PROM2: variants seen among roughly 807,000 people sequenced by gnomAD.
The protein encoded by PROM2 is prominin 2, also known as prominin-2.
PROM2 carries 90 observed loss-of-function variants against 110.2 expected under a neutral mutation model. The observed-to-expected ratio is 0.82, with a 90% confidence interval of 0.69 to 0.97. PROM2 has a LOEUF of 0.97. Among genes scored for constraint, PROM2 ranks in the 50% least tolerant of loss-of-function variants. The pLI, the probability that PROM2 is intolerant of heterozygous loss-of-function variation, is 0.00. For missense variants in PROM2, 1,009 were observed against 1,074.8 expected (o/e 0.94, Z 0.86); for synonymous variants, 470 against 467.8 (o/e 1.00, Z -0.06).
intron 1 of PROM2, 137 bp downstream of exon 1, chr2:95,274,966 TG>T: frequency 1.7e-6 from 2 of 1,181,854 alleles, no homozygotes; most frequent in Non-Finnish European, 2.3e-6. Context: ...GCGGAGGATC[TG>T]GGGAGGGCTC....
chr2:95,279,777 C>A, intron 10 of PROM2, 68 bp from the exon 11 acceptor site: 1 of 1,332,616 alleles, frequency 7.5e-7, no homozygotes, highest in Non-Finnish European at 9.8e-7. Flanking sequence ...GTCGCCACGT[C>A]CCGCACCTGT....
At chr2:95,281,094 C>T (rs1428342234) in intron 11 of PROM2, 148 bp from the exon 12 acceptor site, 6 of 1,041,462 alleles carry the variant, frequency 5.8e-6, no homozygotes, top group Non-Finnish European at 6.8e-6. Flanking sequence ...CTCCAGGAGG[C>T]CAAGTCCTCC....
intron 7 of PROM2, 39 bp from the exon 8 acceptor site, chr2:95,277,891 T>C (rs1676768195): frequency 1.3e-6 from 2 of 1,575,666 alleles, no homozygotes; most frequent in African/African-American, 1.4e-5. Context: ...TTCAGGCCTC[T>C]CCATGAACTT....
intron 14 of PROM2, among the ~76,000 whole-genome samples, chr2:95,283,770 G>GTTTC (rs898785069): frequency 3.9e-5 from 5 of 129,084 alleles, no homozygotes; most frequent in African/African-American, 1.5e-4. Flanking sequence ...TGAAAATACA[G>GTTTC]TTTCATTCAT....
At chr2:95,281,152 A>G in intron 11 of PROM2, 90 bp from the exon 12 acceptor site, 2 of 1,519,138 alleles carry the variant, frequency 1.3e-6, no homozygotes, top group Non-Finnish European at 1.8e-6. Context: ...CTGGCTGAGC[A>G]GGCTGGCCCT....
rs1330105524 is a variant in PROM2, at chr2:95,286,819, A to G, written c.2056A>G (p.Ser686Gly). 6.2e-7 allele frequency: 1 copy of G among 1,612,406 alleles called. No homozygotes were observed. Among genetic ancestry groups the G allele is most frequent in the Non-Finnish European group, 8.5e-7 (1 of 1,179,600 alleles). The change falls in exon 18 of 24, where the codon AGC becomes GGC. Residue 686 changes from serine (S) to glycine (G), a missense_variant. Transcript: ENST00000317620. ...TTCTCCACAGGCAAAGCTCAACCTC[A>G]GCGTCAGGGCCCTGGAGTCCTCTGC... ...QQSLVAKLNLSVRALESSAPN... is the reference protein window; with the variant it reads ...QQSLVAKLNLGVRALESSAPN...
chr2:95,282,422 A>C (rs1677106092), intron 14 of PROM2, among the ~76,000 whole-genome samples, 196 bp downstream of exon 14: 1 of 152,156 alleles, frequency 6.6e-6, no homozygotes, highest in African/African-American at 2.4e-5. Flanking sequence ...GTCCGTGTGC[A>C]CCTGAAGGCT....
At position 95,279,012 on chromosome 2, in the gene PROM2, C is replaced by T. The variant is rs189781710; in HGVS notation, c.1142C>T (p.Pro381Leu). Residue 381 changes from proline (P) to leucine (L), a missense_variant, in exon 10 of 24, where the codon CCG becomes CTG. Transcript: ENST00000317620. ...CTGAAGAAGGCAGTGGCCCAGCAGC[C>T]GGAAGGGGTGAGGACACTGGCTGAA... Reference protein sequence around the residue: ...QELKKAVAQQPEGVRTLAEGF... With the variant: ...QELKKAVAQQLEGVRTLAEGF... 3.2e-5 allele frequency: 51 copies of T among 1,609,170 alleles called. No individual in the cohort carries two copies. The highest frequency in any genetic ancestry group is 1.1e-4 in the African/African-American group (8 of 74,956).
intron 19 of PROM2, 83 bp downstream of exon 19, chr2:95,287,296 T>C (rs913693841): frequency 1.6e-5 from 23 of 1,414,520 alleles, no homozygotes; most frequent in Non-Finnish European, 2.1e-5. Flanking sequence ...CCAGGAAAGC[T>C]GGGCCTGTCC....
At position 95,276,291 on chromosome 2, in the gene PROM2, G is replaced by A. The variant is rs142227441; in HGVS notation, c.562G>A (p.Glu188Lys). ...RTHEQMGPSI[E>K]AMPETLLSLW... is the part of the protein sequence containing the mutation. Reference sequence around the variant, plus strand: ...GCATGAACAGATGGGCCCCAGCATCGAGGCCATGCCTGAGACCCTGCTCAG... The same window carrying A: ...GCATGAACAGATGGGCCCCAGCATCAAGGCCATGCCTGAGACCCTGCTCAG... Residue 188 changes from glutamate (E) to lysine (K), a missense_variant, in exon 4 of 24, where the codon GAG (glutamate) becomes AAG (lysine). Glu to Lys is a moderately conservative substitution (Grantham distance 56). Transcript: ENST00000317620. This position sits in a 1 kb window ranked among gnomAD's most constrained non-coding sequence, Gnocchi z 4.6. 199 of 1,613,702 alleles carry A rather than the reference G, an allele frequency of 1.2e-4. No homozygotes were observed. Among genetic ancestry groups the A allele is most frequent in the Middle Eastern group, 1.6e-4 (1 of 6,084 alleles).
At chr2:95,284,913 C>T in intron 14 of PROM2, 56 bp from the exon 15 acceptor site, 1 of 1,561,732 alleles carries the variant, frequency 6.4e-7, no homozygotes, top group East Asian at 2.3e-5. Context: ...GGGAGCATCT[C>T]TGGGGTCCTG....
chr2:95,278,649 G>T lies in PROM2; in HGVS notation c.1051-72G>T. 2 of 1,577,532 alleles carry T rather than the reference G, an allele frequency of 1.3e-6. 1 individual carries two copies. The highest frequency in any genetic ancestry group is 2.2e-5 in the South Asian group (2 of 90,328). On this transcript the variant is annotated intron_variant, in intron 8 of 23. Transcript: ENST00000317620. ...GAGGGGGGCCCTCCCTCTAGGCCTG[G>T]TGACTTTGGGGTCTCCCAAGAGGGG... is the stretch of plus-strand genomic sequence containing the variant.
At chr2:95,279,701 G>A (rs1444444038) in intron 10 of PROM2, 144 bp from the exon 11 acceptor site, 42 of 570,192 alleles carry the variant, frequency 7.4e-5, no homozygotes, top group Non-Finnish European at 8.1e-6. Flanking sequence ...AAGAGCAGTA[G>A]GGCCTCAGGA....
intron 13 of PROM2, 31 bp downstream of exon 13, chr2:95,282,047 C>G: frequency 1.9e-6 from 3 of 1,611,814 alleles, no homozygotes; most frequent in Non-Finnish European, 1.7e-6. Flanking sequence ...GAGCTGGGAC[C>G]GGGGAAGGAA....
chr2:95,287,866 CCT>C (rs1211624457), intron 20 of PROM2, among the ~76,000 whole-genome samples: 1 of 152,162 alleles, frequency 6.6e-6, no homozygotes, highest in Non-Finnish European at 1.5e-5. Flanking sequence ...CTGGTTTTAC[CCT>C]GAGTGTGTCT....
At chr2:95,281,499 G>A in intron 12 of PROM2, 134 bp downstream of exon 12, 1 of 1,201,460 alleles carries the variant, frequency 8.3e-7, no homozygotes, top group Non-Finnish European at 1.1e-6. Context: ...AGACAGACAT[G>A]GCCAAGGAAA....
intron 8 of PROM2, 96 bp from the exon 9 acceptor site, chr2:95,278,625 A>AG (rs927787166): frequency 7.2e-6 from 10 of 1,392,502 alleles, no homozygotes; most frequent in African/African-American, 4.3e-5. Flanking sequence ...GGGAGCACTG[A>AG]GGGGGGCCCT....
At chr2:95,274,947 G>T (rs1294032791) in intron 1 of PROM2, 118 bp downstream of exon 1, 3 of 1,339,526 alleles carry the variant, frequency 2.2e-6, no homozygotes, top group African/African-American at 3.0e-5. Flanking sequence ...CATCTTCCTG[G>T]GGTAGAAGGC....
chr2:95,274,487 G>A lies in PROM2; in HGVS notation c.-99G>A. 3.5e-6 allele frequency: 5 copies of A among 1,423,518 alleles called. No homozygotes were observed. In the South Asian group the frequency reaches 6.5e-5, roughly 18 times the overall value. The allele number at this position is 1,423,518 out of a possible 1,614,324, so 88.2% of individuals were successfully genotyped here. A position where few individuals can be genotyped will look rare whatever the true frequency, so the allele number is the denominator to read the frequency against. ...CCCAAACCTGTCGGGCAGGTTTTGAGAGCTGTGGAGAGAGGGACAGAGGCT... is the reference window on the plus strand; with the variant it reads ...CCCAAACCTGTCGGGCAGGTTTTGAAAGCTGTGGAGAGAGGGACAGAGGCT... On this transcript the variant is annotated 5_prime_UTR_variant, in exon 1 of 24. Transcript: ENST00000317620.
Sources: gnomAD v4.1 joint callset for allele counts (sites outside exome capture counted in the v4.1 genomes callset) on GRCh38, gnomAD v4.1.1 for gene constraint, Gnocchi (gnomAD v3.1) non-coding constraint, MANE v1.5 for transcripts, NCBI Gene and HGNC (gene_info 2026-07-23, HGNC 2026-07-21) for gene names.